USP46: variants seen among roughly 807,000 people sequenced by gnomAD.
USP46 encodes ubiquitin carboxyl-terminal hydrolase 46.
Under a neutral mutation model 44.4 loss-of-function variants are expected in USP46, and 12 were observed. The observed-to-expected ratio is 0.27, with a 90% CI of 0.17 to 0.44. The LOEUF is 0.44. USP46 is among the 20% of genes least tolerant of loss of function. The probability of loss-of-function intolerance (pLI) is 1.00; values close to 1 mark genes in which losing one functional copy is unlikely to be tolerated. For missense variants in USP46, 248 were observed against 444.8 expected, an observed-to-expected ratio of 0.56 and a Z score of 3.98; for synonymous variants, 155 against 161.5, an observed-to-expected ratio of 0.96 and a Z score of 0.31.
chr4:52,640,377 TG>T (rs771926188), intron 1 of USP46, among the ~76,000 whole-genome samples: 2 of 152,166 alleles, frequency 1.3e-5, no homozygotes, highest in African/African-American at 2.4e-5. Context: ...TGGAAATTTT[TG>T]AAAGAAGACT....
rs761125144 is a variant in USP46 at position 52,633,482 on chromosome 4, GTA to G, written c.37-2340_37-2339del. On this transcript the variant is annotated intron_variant, in intron 1 of 8. Coordinates refer to ENST00000441222, the MANE Select transcript of USP46 (RefSeq NM_022832.4). ...CAGCAAATTATGGTAGGACTTTTTG[GTA>G]TAGACAAAAATCACTAAAAATTTTC... Among the ~76,000 whole-genome samples the G allele has an allele frequency of 1.4e-3, 210 of 152,126 alleles. 1 individual carries two copies. The highest frequency in any genetic ancestry group is 1.7e-3 in the Non-Finnish European group (115 of 68,000).
intron 4 of USP46, among the ~76,000 whole-genome samples, chr4:52,612,262 G>T (rs1008639590): frequency 6.6e-6 from 1 of 152,078 alleles, no homozygotes; most frequent in Non-Finnish European, 1.5e-5. Context: ...TATAAAAAAG[G>T]CATCTTTATA....
chr4:52,656,341 G>T lies in USP46; in HGVS notation c.36+2774C>A, dbSNP rs778431515. The T allele has an allele frequency of 3.6e-6, 5 of 1,379,800 alleles. No individual in the cohort carries two copies. In the East Asian group the frequency reaches 1.6e-4, roughly 43 times the overall value. The allele number at this position is 1,379,800 out of a possible 1,614,324, so 85.5% of individuals were successfully genotyped here. On this transcript the variant is annotated intron_variant, in intron 1 of 8. Transcript: ENST00000441222. The stretch of plus-strand genomic sequence containing the variant: ...AGCAAAGAATCTAAAGAGAGGTCCA[G>T]TTAATATTTACGTCTGATCCAGTGA...
At chr4:52,645,409 C>T (rs1718515366) in intron 1 of USP46, among the ~76,000 whole-genome samples, 2 of 152,066 alleles carry the variant, frequency 1.3e-5, no homozygotes. Context: ...AAACAATTCT[C>T]CATATATTTA....
chr4:52,592,912 G>A lies in USP46; in HGVS notation c.*4728C>T, dbSNP rs1577649134. ...TCCTCTTGCTCCTGCCATGTAAGATGGGCTTGCTTTCCCTTTGCCTTCTGC... is the reference window on the plus strand; with the variant it reads ...TCCTCTTGCTCCTGCCATGTAAGATAGGCTTGCTTTCCCTTTGCCTTCTGC... On this transcript the variant is annotated 3_prime_UTR_variant, in exon 9 of 9. Coordinates refer to ENST00000441222, the MANE Select transcript of USP46 (RefSeq NM_022832.4). 2.5e-6 allele frequency: 1 copy of A among 398,394 alleles called. No homozygotes were observed. Among genetic ancestry groups the A allele is most frequent in the Non-Finnish European group, 4.4e-6 (1 of 226,184 alleles). The allele number at this position is 398,394 out of a possible 1,614,324, so 24.7% of individuals were successfully genotyped here.
chr4:52,632,161 T>C (rs888389610), intron 1 of USP46, among the ~76,000 whole-genome samples: 5 of 152,136 alleles, frequency 3.3e-5, no homozygotes, highest in African/African-American at 4.8e-5. Context: ...CCAAGGTCCA[T>C]TGTAAGTGGT....
intron 1 of USP46, among the ~76,000 whole-genome samples, chr4:52,640,027 A>C (rs1718275185): frequency 6.6e-6 from 1 of 151,884 alleles, no homozygotes; most frequent in African/African-American, 2.4e-5. Flanking sequence ...CTGAGGGGAC[A>C]ATCAGTAGTC....
intron 5 of USP46, among the ~76,000 whole-genome samples, chr4:52,608,544 G>A (rs1243053542): frequency 6.6e-6 from 1 of 152,242 alleles, no homozygotes; most frequent in African/African-American, 2.4e-5. Context: ...CAGTTGGGAA[G>A]CTTTGTTCTA....
intron 4 of USP46, among the ~76,000 whole-genome samples, chr4:52,623,541 G>A (rs1426796890): frequency 6.6e-6 from 1 of 152,094 alleles, no homozygotes; most frequent in African/African-American, 2.4e-5. Flanking sequence ...ATTTGGAAAT[G>A]TAATACATTA....
At chr4:52,635,437 T>A (rs1718075483) in intron 1 of USP46, among the ~76,000 whole-genome samples, 1 of 152,210 alleles carries the variant, frequency 6.6e-6, no homozygotes, top group South Asian at 2.1e-4. Context: ...GTCCCACATT[T>A]CAGGGTTTCT....
chr4:52,599,570 A>G (rs1414123955), intron 7 of USP46, among the ~76,000 whole-genome samples: 1 of 152,202 alleles, frequency 6.6e-6, no homozygotes, highest in Non-Finnish European at 1.5e-5. Context: ...TAATAAACCA[A>G]TATGCATAGT....
intron 3 of USP46, among the ~76,000 whole-genome samples, chr4:52,627,162 G>C (rs985482062): frequency 2.0e-5 from 3 of 152,172 alleles, no homozygotes; most frequent in African/African-American, 7.2e-5. Flanking sequence ...TTCACAACTC[G>C]ACAGAGTGCT....
chr4:52,597,909 G>T (rs1014498976), intron 8 of USP46, among the ~76,000 whole-genome samples, 168 bp from the exon 9 acceptor site: 1 of 152,160 alleles, frequency 6.6e-6, no homozygotes, highest in Admixed American at 6.5e-5. Context: ...TTGGCTAAAG[G>T]ACATCATCAC....
chr4:52,617,748 TTC>T (rs995378864), intron 4 of USP46, among the ~76,000 whole-genome samples: 1 of 152,128 alleles, frequency 6.6e-6, no homozygotes, highest in African/African-American at 2.4e-5. Context: ...GTTTTCTTGC[TTC>T]TCTCTCTTCT....
intron 7 of USP46, among the ~76,000 whole-genome samples, chr4:52,600,289 C>A (rs1315914982): frequency 1.3e-5 from 2 of 152,082 alleles, no homozygotes; most frequent in Non-Finnish European, 1.5e-5. Flanking sequence ...AGGCTATGCA[C>A]CTGCTGCAAC....
At chr4:52,635,260 C>T (rs1456658354) in intron 1 of USP46, among the ~76,000 whole-genome samples, 13 of 152,180 alleles carry the variant, frequency 8.5e-5, no homozygotes. Context: ...CCTCACCCTG[C>T]CCTTTGGCCA....
intron 1 of USP46, among the ~76,000 whole-genome samples, chr4:52,658,694 A>G (rs1719052857): frequency 6.6e-6 from 1 of 152,238 alleles, no homozygotes; most frequent in Non-Finnish European, 1.5e-5. Flanking sequence ...ACTGAACTCA[A>G]AATGAGATGA....
chr4:52,627,329 G>C (rs909282059), intron 3 of USP46, among the ~76,000 whole-genome samples: 11 of 152,190 alleles, frequency 7.2e-5, no homozygotes, highest in Admixed American at 5.2e-4. Context: ...AATAGTAATT[G>C]CCATAACAAA....
At chr4:52,641,249 A>C (rs774643495) in intron 1 of USP46, among the ~76,000 whole-genome samples, 9 of 152,322 alleles carry the variant, frequency 5.9e-5, no homozygotes, top group Admixed American at 4.6e-4. Flanking sequence ...GTCGGGAAGC[A>C]TAAGAAACAT....
Sources: allele counts gnomAD v4.1 joint callset (sites outside exome capture counted in the v4.1 genomes callset), GRCh38; gene constraint gnomAD v4.1.1; transcripts MANE v1.5; gene names NCBI Gene and HGNC (gene_info 2026-07-23, HGNC 2026-07-21).